ANKFN1: variants seen among roughly 807,000 people sequenced by gnomAD.
The protein encoded by ANKFN1 is ankyrin repeat and fibronectin type III domain containing 1.
ANKFN1 carries 74 observed loss-of-function variants against 108.7 expected under a neutral mutation model. The ratio of observed to expected loss-of-function variants is 0.68; its 90% CI spans 0.56 to 0.83. ANKFN1 has a LOEUF of 0.83. Among genes scored for constraint, ANKFN1 ranks in the 40% least tolerant of loss-of-function variants. The pLI, the probability that ANKFN1 is intolerant of heterozygous loss-of-function variation, is 0.00. For synonymous variants in ANKFN1, 547 were observed against 516.2 expected (o/e 1.06, Z -0.81); for missense variants, 1,505 against 1,382.3 (o/e 1.09, Z -1.41).
chr17:56,062,079 C>T (rs1904984201), intron 4 of ANKFN1, among the ~76,000 whole-genome samples: 1 of 152,180 alleles, frequency 6.6e-6, no homozygotes, highest in Non-Finnish European at 1.5e-5. Context: ...AATTTGATTG[C>T]AGTGTGGCCT....
intron 3 of ANKFN1, among the ~76,000 whole-genome samples, chr17:56,269,660 A>G (rs185836580): frequency 3.9e-5 from 6 of 152,376 alleles, no homozygotes; most frequent in African/African-American, 1.4e-4. Context: ...TTGGTGAAGC[A>G]TAATTTTAAC....
intron 3 of ANKFN1, among the ~76,000 whole-genome samples, chr17:56,317,918 C>A (rs2045254378): frequency 2.0e-5 from 3 of 152,130 alleles, no homozygotes; most frequent in African/African-American, 7.2e-5. Context: ...GCTTACCCTT[C>A]CCTTGTGAGA....
chr17:56,295,276 G>T (rs2044476371), intron 3 of ANKFN1, among the ~76,000 whole-genome samples: 1 of 152,244 alleles, frequency 6.6e-6, no homozygotes, highest in Non-Finnish European at 1.5e-5. Context: ...AGGCAATGCA[G>T]TATGAATTCA....
At chr17:56,303,456 C>T (rs1247315244) in intron 3 of ANKFN1, among the ~76,000 whole-genome samples, 1 of 152,138 alleles carries the variant, frequency 6.6e-6, no homozygotes, top group African/African-American at 2.4e-5. Context: ...GCCATCCAAG[C>T]TGACGAAGCC....
intron 1 of ANKFN1, among the ~76,000 whole-genome samples, chr17:56,169,280 A>AT (rs561300131): frequency 2.3e-4 from 35 of 150,152 alleles, no homozygotes; most frequent in Non-Finnish European, 3.1e-4. Flanking sequence ...TATCATTATT[A>AT]TTTTTTTTTT....
Position 56,374,623 on chromosome 17 carries a change from T to C in ANKFN1, c.819T>C (p.Asn273=). 1 of 1,613,882 alleles carries C rather than the reference T, an allele frequency of 6.2e-7. No homozygotes were observed. The highest frequency in any genetic ancestry group is 8.5e-7 in the Non-Finnish European group (1 of 1,179,798). ...CAGGAGCCCCTGAGATGCCAACCAA[T>C]GTCTGTCTCATGGTAACCAGCAGCA... is the stretch of plus-strand genomic sequence containing the variant. ...EHARAPEMPT[N]VCLMVTSSTS... The change falls in exon 8 of 21, where the codon AAT becomes AAC. Residue 273 remains asparagine (N), a synonymous_variant. Transcript: ENST00000682825.
chr17:56,252,995 G>C (rs2043272655), intron 3 of ANKFN1, among the ~76,000 whole-genome samples: 1 of 152,164 alleles, frequency 6.6e-6, no homozygotes. Flanking sequence ...CCAGAAGTTT[G>C]AGGCTGTTAG....
chr17:56,327,494 CAA>C (rs1307645433), intron 4 of ANKFN1, among the ~76,000 whole-genome samples: 2 of 152,074 alleles, frequency 1.3e-5, no homozygotes, highest in Non-Finnish European at 2.9e-5. Flanking sequence ...AAATAAAAAC[CAA>C]AGTTAGGAAA....
intron 4 of ANKFN1, among the ~76,000 whole-genome samples, chr17:56,329,595 G>T (rs958405314): frequency 1.3e-5 from 2 of 152,128 alleles, no homozygotes; most frequent in African/African-American, 4.8e-5. Context: ...ACCTAGGTTT[G>T]AATCCCAGAT....
chr17:56,307,833 G>A (rs2044878731), intron 3 of ANKFN1, among the ~76,000 whole-genome samples: 1 of 152,144 alleles, frequency 6.6e-6, no homozygotes, highest in Admixed American at 6.5e-5. Context: ...CAACCCAAAT[G>A]TCCAACAATG....
chr17:56,378,716 AC>A lies in ANKFN1; in HGVS notation c.910+4003del, dbSNP rs1269334907. 2.0e-5 allele frequency among the ~76,000 whole-genome samples: 3 copies of A among 152,206 alleles called. No individual in the cohort carries two copies. The East Asian group carries it at 5.8e-4, about 29-fold the overall frequency. ...GCAACGAGGAGGAGCAGGAAATGTT[AC>A]GTCCAGAGGACATGAAACTTAGTGG... is the stretch of plus-strand genomic sequence containing the variant. On this transcript the variant is annotated intron_variant, in intron 8 of 20. Transcript: ENST00000682825.
chr17:56,077,479 G>T lies in ANKFN1; in HGVS notation c.288+31154G>T, dbSNP rs191036776. ...GGCCCTCACCAACTTTTTCATAAGTGGCCCTGCTCTTGTCTTTATTCCAGC... is the reference window on the plus strand; with the variant it reads ...GGCCCTCACCAACTTTTTCATAAGTTGCCCTGCTCTTGTCTTTATTCCAGC... On this transcript the variant is annotated intron_variant, in intron 4 of 12. Transcript: ENST00000635860. 5.0e-3 allele frequency among the ~76,000 whole-genome samples: 765 copies of T among 152,244 alleles called. 5 individuals carry two copies. Among genetic ancestry groups the T allele is most frequent in the Non-Finnish European group, 8.0e-3 (541 of 68,026 alleles).
chr17:56,510,685 C>T lies in ANKFN1; in HGVS notation c.2857C>T (p.Gln953Ter). 1 of 1,536,144 alleles carries T rather than the reference C, an allele frequency of 6.5e-7. No individual in the cohort carries two copies. The highest frequency in any genetic ancestry group is 8.7e-7 in the Non-Finnish European group (1 of 1,146,910). ...CGTGAAAACCCCTCTGGGGCCGGGC[C>T]AGGATCCCCAGGGCGAGGGCCCAAA... ...HDVKTPLGPG[Q>*]DPQGEGPNPD... is the part of the protein sequence containing the mutation. Residue 953 changes from glutamine to a stop codon, truncating the protein, a stop_gained, in exon 21 of 21, where the codon CAG (glutamine) becomes TAG (stop). Transcript: ENST00000682825. LOFTEE classifies it low-confidence loss of function (END_TRUNC).
intron 18 of ANKFN1, among the ~76,000 whole-genome samples, chr17:56,490,384 G>C (rs768721227): frequency 1.3e-5 from 2 of 152,200 alleles, no homozygotes; most frequent in Non-Finnish European, 2.9e-5. Flanking sequence ...GGTATGTGAG[G>C]AGGAGGAAAA....
chr17:56,127,261 G>T (rs771106355), intron 4 of ANKFN1, among the ~76,000 whole-genome samples: 42 of 152,132 alleles, frequency 2.8e-4, no homozygotes, highest in Non-Finnish European at 4.7e-4. Flanking sequence ...GGAGAGGCGG[G>T]ATTTGAACCT....
At chr17:56,448,337 C>T in intron 10 of ANKFN1, among the ~76,000 whole-genome samples, 1 of 151,292 alleles carries the variant, frequency 6.6e-6, no homozygotes, top group South Asian at 2.1e-4. Context: ...TGACATTAGT[C>T]CCATATGGGT....
chr17:56,166,908 T>C (rs551138035), intron 1 of ANKFN1, among the ~76,000 whole-genome samples: 2 of 152,294 alleles, frequency 1.3e-5, no homozygotes, highest in Admixed American at 6.5e-5. Context: ...AGACAACCTA[T>C]GTTCAAAGTC....
At chr17:56,371,843 C>A (rs1264907053) in intron 6 of ANKFN1, among the ~76,000 whole-genome samples, 2 of 152,182 alleles carry the variant, frequency 1.3e-5, no homozygotes, top group Admixed American at 6.5e-5. Flanking sequence ...GCTAAACAAT[C>A]TGATGTAAAT....
intron 8 of ANKFN1, among the ~76,000 whole-genome samples, chr17:56,410,793 A>G (rs1252827723): frequency 6.6e-6 from 1 of 151,956 alleles, no homozygotes; most frequent in African/African-American, 2.4e-5. Flanking sequence ...TTTCTTGACT[A>G]TATTATTCCT....
Sources: gnomAD v4.1 joint callset for allele counts (sites outside exome capture counted in the v4.1 genomes callset) on GRCh38, gnomAD v4.1.1 for gene constraint, MANE v1.5 for transcripts, NCBI Gene and HGNC (gene_info 2026-07-23, HGNC 2026-07-21) for gene names.